Variants in CHI3L1 observed in about 807,000 individuals in gnomAD.
CHI3L1 encodes the protein chitinase 3 like 1, also known as chitinase-3-like protein 1.
In CHI3L1, 30 loss-of-function variants were observed where a neutral mutation model predicts 40.7. That is an observed-to-expected ratio of 0.74 (90% CI 0.55 to 1.00). The LOEUF (loss-of-function observed/expected upper bound fraction) is 1.00, where lower values mean the gene tolerates loss of function less well. CHI3L1 is among the 50% of genes least tolerant of loss of function. The probability of loss-of-function intolerance (pLI) is 0.00; values close to 1 mark genes in which losing one functional copy is unlikely to be tolerated. For synonymous variants in CHI3L1, 210 were observed against 192.1 expected (o/e 1.09, Z -0.77); for missense variants, 493 against 492.2 (o/e 1.00, Z -0.01).
At position 203,186,415 on chromosome 1, in the gene CHI3L1, C is replaced by G. The variant is rs193054600; in HGVS notation, c.26-70G>C. 8.2e-5 allele frequency: 128 copies of G among 1,556,248 alleles called. No individual in the cohort carries two copies. In the African/African-American group the frequency reaches 1.7e-3, roughly 20 times the overall value. Reference sequence around the variant, plus strand: ...CTTCCGCCCTGCTCCCTCCCCCAAGCAACTGAGACCCACCTCCCCCACCCC... The same window carrying G: ...CTTCCGCCCTGCTCCCTCCCCCAAGGAACTGAGACCCACCTCCCCCACCCC... On this transcript the variant is annotated intron_variant, in intron 1 of 9. Transcript: ENST00000255409.
At chr1:203,182,297 G>A (rs12141494) in intron 6 of CHI3L1, among the ~76,000 whole-genome samples, 62,928 of 151,934 alleles carry the variant, frequency 0.41, 14,441 homozygotes, top group Non-Finnish European at 0.53. Context: ...AACAGGAAAG[G>A]GGGAGGCCTG....
chr1:203,180,735 G>A (rs1203567426), intron 7 of CHI3L1, 83 bp from the exon 8 acceptor site: 1 of 1,026,770 alleles, frequency 9.7e-7, no homozygotes, highest in Non-Finnish European at 1.4e-6. Context: ...TGCCTTAGCA[G>A]GGGTTATTGG....
intron 6 of CHI3L1, 22 bp downstream of exon 6, chr1:203,182,709 C>T (rs1209373538): frequency 6.2e-7 from 1 of 1,613,430 alleles, no homozygotes; most frequent in Non-Finnish European, 8.5e-7. Context: ...TCTGGGGAGG[C>T]TGCCTGGGGC....
intron 3 of CHI3L1, 90 bp from the exon 4 acceptor site, chr1:203,184,722 T>A: frequency 8.7e-7 from 1 of 1,143,438 alleles, no homozygotes; most frequent in Non-Finnish European, 1.3e-6. Context: ...CATAGAAGGT[T>A]TCCTGCTTTG....
chr1:203,185,303 A>T lies in CHI3L1; in HGVS notation c.138T>A (p.Leu46=), dbSNP rs141128052. 3.7e-6 allele frequency: 6 copies of T among 1,614,102 alleles called. No homozygotes were observed. The African/African-American group carries it at 6.7e-5, about 18-fold the overall frequency. Reference sequence around the variant, plus strand: ...TGATGTGGGTACAGAGGAAGCGGTCAAGGGCATCTGGGAAGCAGCTCCCAT... The same window carrying T: ...TGATGTGGGTACAGAGGAAGCGGTCTAGGGCATCTGGGAAGCAGCTCCCAT... The part of the protein sequence containing the change: ...EGDGSCFPDA[L]DRFLCTHIIY... Residue 46 remains leucine (L), a synonymous_variant, in exon 3 of 10, where the codon CTT becomes CTA. Coordinates refer to ENST00000255409, the MANE Select transcript of CHI3L1 (RefSeq NM_001276.4).
Position 203,185,310 on chromosome 1 carries a change from T to TGGGTA in CHI3L1, c.130_131insTACCC (p.Asp44ValfsTer20), listed in dbSNP as rs1656033543. 1 of 1,614,200 alleles carries TGGGTA rather than the reference T, an allele frequency of 6.2e-7. No homozygotes were observed. The highest frequency in any genetic ancestry group is 1.1e-5 in the South Asian group (1 of 91,088). ...GGTACAGAGGAAGCGGTCAAGGGCA[T>TGGGTA]CTGGGAAGCAGCTCCCATCGCCTTC... On this transcript the variant is annotated frameshift_variant, in exon 3 of 10. Transcript: ENST00000255409. LOFTEE classifies it high-confidence loss of function.
chr1:203,181,099 G>T, intron 7 of CHI3L1, 63 bp downstream of exon 7: 2 of 1,592,886 alleles, frequency 1.3e-6, no homozygotes, highest in South Asian at 2.3e-5. Context: ...ATTGGTGTGT[G>T]AGCACTGGCA....
Position 203,180,551 on chromosome 1 carries a change from C to T in CHI3L1, c.813G>A (p.Glu271=), listed in dbSNP as rs1197339003. ...CTGAGATTGGGGCTCCAACACCAGTCTCAGAAGAAGCCAGAGTGAAGCTCC... is the reference window on the plus strand; with the variant it reads ...CTGAGATTGGGGCTCCAACACCAGTTTCAGAAGAAGCCAGAGTGAAGCTCC... The part of the protein sequence containing the change: ...FGRSFTLASS[E]TGVGAPISGP... Residue 271 remains glutamate (E), a synonymous_variant, in exon 8 of 10, where the codon GAG becomes GAA. Transcript: ENST00000255409. 5 of 1,611,612 alleles carry T rather than the reference C, an allele frequency of 3.1e-6. No individual in the cohort carries two copies. Among genetic ancestry groups the T allele is most frequent in the Non-Finnish European group, 4.2e-6 (5 of 1,179,284 alleles).
At chr1:203,180,204 C>G in intron 8 of CHI3L1, 1 of 563,024 alleles carries the variant, frequency 1.8e-6, no homozygotes, top group Non-Finnish European at 3.1e-6. Flanking sequence ...GACCTCTGCT[C>G]TTTCCTGGGC....
chr1:203,179,957 ATC>A, intron 8 of CHI3L1, 80 bp from the exon 9 acceptor site: 1 of 1,322,690 alleles, frequency 7.6e-7, no homozygotes, highest in South Asian at 1.3e-5. Flanking sequence ...CACTCTCCAA[ATC>A]TCTTTTAGCT....
At position 203,180,578 on chromosome 1, in the gene CHI3L1, C is replaced by T. The variant is rs1446655589; in HGVS notation, c.786G>A (p.Gly262=). ...CAGAAGAAGCCAGAGTGAAGCTCCT[C>T]CCGAAGGTGGGGATGCCCATCACCA... ...SKLVMGIPTF[G]RSFTLASSET... Residue 262 remains glycine (G), a synonymous_variant, in exon 8 of 10, where the codon GGG becomes GGA. Coordinates refer to ENST00000255409, the MANE Select transcript of CHI3L1 (RefSeq NM_001276.4). 8 of 1,612,806 alleles carry T rather than the reference C, an allele frequency of 5.0e-6. No individual in the cohort carries two copies. The highest frequency in any genetic ancestry group is 5.1e-6 in the Non-Finnish European group (6 of 1,179,600).
intron 6 of CHI3L1, 100 bp downstream of exon 6, chr1:203,182,631 C>T: frequency 7.3e-7 from 1 of 1,367,602 alleles, no homozygotes; most frequent in Non-Finnish European, 1.0e-6. Flanking sequence ...ACTGGAAGCC[C>T]AGTGTCCTCA....
intron 5 of CHI3L1, among the ~76,000 whole-genome samples, chr1:203,183,132 T>G (rs1483833846): frequency 1.3e-5 from 2 of 152,192 alleles, no homozygotes; most frequent in Admixed American, 6.5e-5. Flanking sequence ...TGACCCCTAT[T>G]GGCCCACAGA....
At chr1:203,184,490 A>T (rs947224780) in intron 4 of CHI3L1, 86 bp downstream of exon 4, 50 of 1,092,436 alleles carry the variant, frequency 4.6e-5, no homozygotes, top group Admixed American at 6.9e-5. Flanking sequence ...CCCCTGGAAC[A>T]TCCATACAGT....
In CHI3L1 at chr1:203,184,589, A is replaced by G. The variant is rs754632118; in HGVS notation, c.301T>C (p.Phe101Leu). Residue 101 changes from phenylalanine (F) to leucine (L), a missense_variant, in exon 4 of 10, where the codon TTT (phenylalanine) becomes CTT (leucine). Coordinates refer to ENST00000255409, the MANE Select transcript of CHI3L1 (RefSeq NM_001276.4). ...AGAGGCTCCTACCTTTGAGACCCAA[A>G]GTTCCATCCTCCGACAGACAAGAGA... ...KTLLSVGGWN[F>L]GSQRFSKIAS... 1.9e-6 allele frequency: 3 copies of G among 1,613,982 alleles called. No individual in the cohort carries two copies. Among genetic ancestry groups the G allele is most frequent in the Non-Finnish European group, 2.5e-6 (3 of 1,179,906 alleles).
At chr1:203,184,975 G>A (rs1571829517) in intron 3 of CHI3L1, among the ~76,000 whole-genome samples, 1 of 152,086 alleles carries the variant, frequency 6.6e-6, no homozygotes. Flanking sequence ...TCCCAGAGGG[G>A]CTCAGCTGCG....
chr1:203,185,212 A>G lies in CHI3L1; in HGVS notation c.229T>C (p.Tyr77His), dbSNP rs751540702. ...TTCTTGAGTGTGTTGAGCATGCCGT[A>G]GAGCGTCACATCATTCCACTCCCAG... Reference protein sequence around the residue: ...DTWEWNDVTLYGMLNTLKNRN... With the variant: ...DTWEWNDVTLHGMLNTLKNRN... The change falls in exon 3 of 10, where the codon TAC becomes CAC. Residue 77 changes from tyrosine (Y) to histidine (H), a missense_variant. Physicochemically the swap from Tyr to His is moderately conservative, Grantham distance 83 (BLOSUM62 2). Coordinates refer to ENST00000255409, the MANE Select transcript of CHI3L1 (RefSeq NM_001276.4). 8 of 1,613,986 alleles carry G rather than the reference A, an allele frequency of 5.0e-6. No individual in the cohort carries two copies. Among genetic ancestry groups the G allele is most frequent in the Non-Finnish European group, 5.1e-6 (6 of 1,179,976 alleles).
intron 3 of CHI3L1, among the ~76,000 whole-genome samples, chr1:203,184,858 C>T (rs1656022306): frequency 6.6e-6 from 1 of 152,062 alleles, no homozygotes; most frequent in Non-Finnish European, 1.5e-5. Flanking sequence ...GGTCTGCTGC[C>T]CATTTTTGTT....
Position 203,180,457 on chromosome 1 carries a change from C to A in CHI3L1, c.894+13G>T. ...GGTGTGGGGGAATCCTACCTTCTCC[C>A]CAACTCCATTACCTCATAGTAGGCA... is the stretch of plus-strand genomic sequence containing the variant. On this transcript the variant is annotated intron_variant, in intron 8 of 9. Coordinates refer to ENST00000255409, the MANE Select transcript of CHI3L1 (RefSeq NM_001276.4). 6.5e-7 allele frequency: 1 copy of A among 1,546,002 alleles called. No homozygotes were observed. The highest frequency in any genetic ancestry group is 8.7e-7 in the Non-Finnish European group (1 of 1,150,832).
Sources: allele counts gnomAD v4.1 joint callset (sites outside exome capture counted in the v4.1 genomes callset), GRCh38; gene constraint gnomAD v4.1.1; transcripts MANE v1.5; gene names NCBI Gene and HGNC (gene_info 2026-07-23, HGNC 2026-07-21).